The following DTNBP1 variants were observed in gnomAD, a reference collection of about 807,000 sequenced individuals.
The protein encoded by DTNBP1 is dystrobrevin binding protein 1.
DTNBP1 carries 35 observed loss-of-function variants against 42.8 expected under a neutral mutation model. That is an observed-to-expected ratio of 0.82 (90% CI 0.63 to 1.09). The LOEUF (loss-of-function observed/expected upper bound fraction) is 1.09, where lower values mean the gene tolerates loss of function less well. Among genes scored for constraint, DTNBP1 ranks in the 50% least tolerant of loss-of-function variants. The pLI is 0.00. For synonymous variants in DTNBP1, 171 were observed against 162.2 expected (o/e 1.05, Z -0.41); for missense variants, 457 against 424.2 (o/e 1.08, Z -0.68).
chr6:15,637,631 A>G, intron 4 of DTNBP1, 113 bp downstream of exon 4: 1 of 1,160,500 alleles, frequency 8.6e-7, no homozygotes, highest in Non-Finnish European at 1.3e-6. Flanking sequence ...TCAATTTCAG[A>G]TATCCTGCAA....
intron 5 of DTNBP1, among the ~76,000 whole-genome samples, chr6:15,622,159 C>T (rs1308953462): frequency 6.6e-6 from 1 of 152,130 alleles, no homozygotes; most frequent in African/African-American, 2.4e-5. Flanking sequence ...TCATGGTCAT[C>T]TAGTTTAAAT....
intron 7 of DTNBP1, among the ~76,000 whole-genome samples, chr6:15,547,448 C>T (rs765161610): frequency 6.6e-6 from 1 of 152,188 alleles, no homozygotes; most frequent in Non-Finnish European, 1.5e-5. Context: ...TCTGTGCAAC[C>T]ACTGCATTAC....
At chr6:15,614,941 G>A (rs925044069) in intron 6 of DTNBP1, 2 of 406,624 alleles carry the variant, frequency 4.9e-6, no homozygotes, top group African/African-American at 4.1e-5. Flanking sequence ...AGAAGAGCAG[G>A]AAAAGAAAAG....
chr6:15,624,117 C>T (rs1452777432), intron 5 of DTNBP1, among the ~76,000 whole-genome samples: 1 of 152,190 alleles, frequency 6.6e-6, no homozygotes, highest in Non-Finnish European at 1.5e-5. Flanking sequence ...CCAGCATGTA[C>T]CAGGCACTGT....
chr6:15,583,323 A>G (rs1256359682), intron 7 of DTNBP1, among the ~76,000 whole-genome samples: 1 of 152,178 alleles, frequency 6.6e-6, no homozygotes, highest in Admixed American at 6.5e-5. Context: ...TTTACAGGGA[A>G]AGCCAGATGA....
At chr6:15,601,988 T>C (rs2113657541) in intron 6 of DTNBP1, among the ~76,000 whole-genome samples, 1 of 152,128 alleles carries the variant, frequency 6.6e-6, no homozygotes, top group South Asian at 2.1e-4. Flanking sequence ...TCCAGTAGCA[T>C]TAGCCGGGCA....
intron 6 of DTNBP1, among the ~76,000 whole-genome samples, chr6:15,597,976 T>C (rs1260876461): frequency 6.6e-6 from 1 of 152,238 alleles, no homozygotes; most frequent in Non-Finnish European, 1.5e-5. Context: ...AAACAAAAAA[T>C]TGAAATGTCT....
chr6:15,577,579 T>C (rs1246160170), intron 7 of DTNBP1, among the ~76,000 whole-genome samples: 1 of 152,156 alleles, frequency 6.6e-6, no homozygotes, highest in Non-Finnish European at 1.5e-5. Context: ...AGCGCTATCA[T>C]CTAATGAAAT....
intron 5 of DTNBP1, among the ~76,000 whole-genome samples, chr6:15,618,531 T>TAAA (rs202049957): frequency 7.6e-6 from 1 of 131,714 alleles, no homozygotes. Context: ...CCCCTAAAAC[T>TAAA]AAAAAAAAAA....
intron 8 of DTNBP1, among the ~76,000 whole-genome samples, chr6:15,531,720 G>A (rs1240145382): frequency 2.0e-5 from 3 of 152,142 alleles, no homozygotes; most frequent in Non-Finnish European, 4.4e-5. Flanking sequence ...TGCAACCTCT[G>A]CCTCCCGGGT....
intron 7 of DTNBP1, among the ~76,000 whole-genome samples, chr6:15,561,037 A>T (rs1476803592): frequency 6.6e-6 from 1 of 152,222 alleles, no homozygotes; most frequent in Non-Finnish European, 1.5e-5. Context: ...GGGAGACTGG[A>T]GAGAGAAAAA....
At chr6:15,526,593 G>T (rs1480197880) in intron 8 of DTNBP1, among the ~76,000 whole-genome samples, 1 of 152,226 alleles carries the variant, frequency 6.6e-6, no homozygotes, top group Non-Finnish European at 1.5e-5. Context: ...CTTGGCCGGG[G>T]GTTGAGCCCA....
intron 1 of DTNBP1, among the ~76,000 whole-genome samples, chr6:15,654,681 C>T (rs1023146530): frequency 1.3e-5 from 2 of 151,960 alleles, no homozygotes; most frequent in African/African-American, 2.4e-5. Flanking sequence ...AGGAGTGTTA[C>T]AGGGAACAGA....
intron 5 of DTNBP1, among the ~76,000 whole-genome samples, chr6:15,622,003 G>GT (rs1430282505): frequency 6.6e-6 from 1 of 152,168 alleles, no homozygotes; most frequent in Non-Finnish European, 1.5e-5. Flanking sequence ...TCAGGAATCA[G>GT]TAAGGGCCTT....
Position 15,533,374 on chromosome 6 carries a change from G to A in DTNBP1, c.533C>T (p.Ala178Val). The A allele has an allele frequency of 6.2e-7, 1 of 1,614,234 alleles. No individual in the cohort carries two copies. Among genetic ancestry groups the A allele is most frequent in the Non-Finnish European group, 8.5e-7 (1 of 1,180,050 alleles). ...GTGCTCCATTTCCAGGACCTTCTGG[G>A]CGTGCTCTGCATCTAGTTCAGCTGA... ...TFKAELDAEH[A>V]QKVLEMEHTQ... The change falls in exon 8 of 10, where the codon GCC becomes GTC. Residue 178 changes from alanine to valine, a missense_variant. Physicochemically the swap from Ala to Val is moderately conservative, Grantham distance 64 (BLOSUM62 0). Transcript: ENST00000344537.
At position 15,524,509 on chromosome 6, in the gene DTNBP1, A is replaced by G; in HGVS notation, c.811+17T>C. The G allele has an allele frequency of 6.2e-7, 1 of 1,608,676 alleles. No individual in the cohort carries two copies. The highest frequency in any genetic ancestry group is 8.5e-7 in the Non-Finnish European group (1 of 1,176,068). ...GATACTGCCCTGGTTCAGCTAATGCAAGTTTGTCAACCCTACCTAAGGCGG... is the reference window on the plus strand; with the variant it reads ...GATACTGCCCTGGTTCAGCTAATGCGAGTTTGTCAACCCTACCTAAGGCGG... On this transcript the variant is annotated intron_variant, in intron 9 of 9. Transcript: ENST00000344537.
At chr6:15,631,923 A>G (rs545689539) in intron 4 of DTNBP1, among the ~76,000 whole-genome samples, 5 of 152,340 alleles carry the variant, frequency 3.3e-5, no homozygotes, top group African/African-American at 1.2e-4. Flanking sequence ...GAAAGAAACA[A>G]AACTGTCATC....
intron 7 of DTNBP1, among the ~76,000 whole-genome samples, chr6:15,551,691 C>T (rs1327919128): frequency 1.3e-5 from 2 of 152,210 alleles, no homozygotes; most frequent in Non-Finnish European, 2.9e-5. Context: ...TATAGTTCCA[C>T]TGGATGCCAC....
At chr6:15,583,955 G>C (rs898956275) in intron 7 of DTNBP1, among the ~76,000 whole-genome samples, 3 of 152,074 alleles carry the variant, frequency 2.0e-5, no homozygotes, top group Non-Finnish European at 2.9e-5. Flanking sequence ...TCGTCTTAGA[G>C]AATTTCAGGT....
Sources: allele counts gnomAD v4.1 joint callset (sites outside exome capture counted in the v4.1 genomes callset), GRCh38; gene constraint gnomAD v4.1.1; transcripts MANE v1.5; gene names NCBI Gene and HGNC (gene_info 2026-07-23, HGNC 2026-07-21).